Variants in GPR17 observed in about 807,000 individuals in gnomAD.
GPR17 encodes the protein uracil nucleotide/cysteinyl leukotriene receptor.
In GPR17, 4 loss-of-function variants were observed where a neutral mutation model predicts 1.5. That is an observed-to-expected ratio of 2.73 (90% CI 1.35 to 6.25). The LOEUF (loss-of-function observed/expected upper bound fraction) is 6.25. GPR17 is among the 30% of genes most tolerant of loss of function. GPR17 has a pLI of 0.00. For synonymous variants in GPR17, 209 were observed against 207.6 expected (o/e 1.01, Z -0.06); for missense variants, 463 against 462.1 (o/e 1.00, Z -0.02).
intron 1 of GPR17, chr2:127,649,886 G>A: frequency 1.3e-6 from 1 of 775,042 alleles, no homozygotes; most frequent in Non-Finnish European, 2.1e-6. Flanking sequence ...GGTAAAATGG[G>A]TCTTCCCCTC....
chr2:127,649,951 C>G, intron 1 of GPR17: 1 of 1,412,820 alleles, frequency 7.1e-7, no homozygotes, highest in East Asian at 2.4e-5. Context: ...GAAAATACTC[C>G]CAGCTGGCCT....
At position 127,652,467 on chromosome 2, in the gene GPR17, T is replaced by C. The variant is rs1573803432; in HGVS notation, c.*712T>C. 1.8e-5 allele frequency: 3 copies of C among 167,290 alleles called. No individual in the cohort carries two copies. In the East Asian group the frequency reaches 5.8e-4, roughly 32 times the overall value. 10.4% of individuals were successfully genotyped at this position (167,290 alleles called of 1,614,324 possible). On this transcript the variant is annotated 3_prime_UTR_variant, in exon 2 of 2. Transcript: ENST00000486700. ...GCATGTGCAGTCACGGGAGCTCAGC[T>C]CAGGCCAGGGCTGGGCTGTGCACCT...
At chr2:127,650,356 G>A (rs544252189) in intron 1 of GPR17, 4 of 542,782 alleles carry the variant, frequency 7.4e-6, no homozygotes, top group Admixed American at 3.4e-5. Flanking sequence ...CACCTCAGAG[G>A]CAGAACAGAA....
At chr2:127,650,206 A>T in intron 1 of GPR17, 1 of 777,168 alleles carries the variant, frequency 1.3e-6, no homozygotes, top group Non-Finnish European at 2.1e-6. Flanking sequence ...CGGCCACTGC[A>T]CCTGTGGGCA....
chr2:127,651,044 A>G lies in GPR17; in HGVS notation c.309A>G (p.Ala103=). The G allele has an allele frequency of 1.2e-6, 2 of 1,613,730 alleles. No individual in the cohort carries two copies. Among genetic ancestry groups the G allele is most frequent in the South Asian group, 2.2e-5 (2 of 91,088 alleles). The change falls in exon 2 of 2, where the codon GCA becomes GCG. Residue 103 remains alanine, a synonymous_variant. Transcript: ENST00000486700. ...SGNHWPFGEI[A]CRLTGFLFYL... is the part of the protein sequence containing the mutation. The stretch of plus-strand genomic sequence containing the variant: ...ACCACTGGCCATTTGGGGAAATCGC[A>G]TGCCGTCTCACCGGCTTCCTCTTCT...
intron 1 of GPR17, among the ~76,000 whole-genome samples, chr2:127,646,970 A>G (rs933017039): frequency 4.6e-5 from 7 of 152,218 alleles, no homozygotes; most frequent in African/African-American, 1.7e-4. Flanking sequence ...AAAGCTGTTT[A>G]AAATGGAGTC....
At chr2:127,649,276 A>C (rs1271029555) in intron 1 of GPR17, among the ~76,000 whole-genome samples, 2 of 152,104 alleles carry the variant, frequency 1.3e-5, no homozygotes, top group Non-Finnish European at 2.9e-5. Flanking sequence ...GTGCAGAGCC[A>C]GGCTCGCCCA....
At position 127,647,576 on chromosome 2, in the gene GPR17, C is replaced by A. The variant is rs1307132427; in HGVS notation, c.-21+1332C>A. On this transcript the variant is annotated intron_variant, in intron 1 of 1. Coordinates refer to ENST00000486700, the MANE Select transcript of GPR17 (RefSeq NM_001161417.2). The surrounding 1 kb of genome is among the most constrained non-coding windows in gnomAD (Gnocchi z 4.3). ...TGGGGCACAGCACAGGCCTGAGGGA[C>A]AGCCTGGGGTGGAGGGCACCCACCT... Among the ~76,000 whole-genome samples the A allele has an allele frequency of 6.6e-6, 1 of 152,138 alleles. No individual in the cohort carries two copies. The highest frequency in any genetic ancestry group is 1.5e-5 in the Non-Finnish European group (1 of 67,998).
chr2:127,650,831 G>A lies in GPR17; in HGVS notation c.96G>A (p.Met32Ile), dbSNP rs1361961341. 8 of 1,613,872 alleles carry A rather than the reference G, an allele frequency of 5.0e-6. No homozygotes were observed. Among genetic ancestry groups the A allele is most frequent in the African/African-American group, 1.3e-5 (1 of 74,940 alleles). The change falls in exon 2 of 2, where the codon ATG (methionine) becomes ATA (isoleucine). Residue 32 changes from methionine (M) to isoleucine (I), a missense_variant. Coordinates refer to ENST00000486700, the MANE Select transcript of GPR17 (RefSeq NM_001161417.2). ...GCCAGGAGACGCCACTGGAGAACATGCTGTTCGCCTCCTTCTACCTTCTGG... is the reference window on the plus strand; with the variant it reads ...GCCAGGAGACGCCACTGGAGAACATACTGTTCGCCTCCTTCTACCTTCTGG... ...QCGQETPLENMLFASFYLLDF... is the reference protein window; with the variant it reads ...QCGQETPLENILFASFYLLDF...
At chr2:127,646,554 G>C (rs1683005190) in intron 1 of GPR17, 1 of 152,278 alleles carries the variant, frequency 6.6e-6, no homozygotes, top group South Asian at 2.1e-4. Context: ...GCCTGGGAGA[G>C]GGCTCGGGCC....
intron 1 of GPR17, chr2:127,648,064 G>A (rs1199801286): frequency 4.1e-6 from 4 of 985,596 alleles, no homozygotes; most frequent in South Asian, 9.4e-5. Flanking sequence ...TCAGCTCTCC[G>A]CCCTCACCGT....
intron 1 of GPR17, among the ~76,000 whole-genome samples, chr2:127,646,915 G>C (rs1326018475): frequency 1.3e-5 from 2 of 152,242 alleles, no homozygotes; most frequent in Non-Finnish European, 2.9e-5. Flanking sequence ...CTCAAACGGG[G>C]GACAGAAAGG....
rs962195323 is a variant in GPR17 at position 127,647,875 on chromosome 2, C to G, written c.-21+1631C>G. The stretch of plus-strand genomic sequence containing the variant: ...GTCATGGGCCCCCCTCCCCTGCCAC[C>G]GTCCCACCGGTACCTGCTCCCTGTT... On this transcript the variant is annotated intron_variant, in intron 1 of 1. Transcript: ENST00000486700. This position sits in a 1 kb window ranked among gnomAD's most constrained non-coding sequence, Gnocchi z 4.3. 6.6e-6 allele frequency among the ~76,000 whole-genome samples: 1 copy of G among 152,060 alleles called. No individual in the cohort carries two copies. Among genetic ancestry groups the G allele is most frequent in the African/African-American group, 2.4e-5 (1 of 41,394 alleles).
intron 1 of GPR17, among the ~76,000 whole-genome samples, chr2:127,648,963 AGGGGGGG>A (rs1683307614): frequency 4.8e-4 from 6 of 12,518 alleles, no homozygotes; most frequent in Admixed American, 1.0e-3. Flanking sequence ...AGGGGAGGGG[AGGGGGGG>A]AGGGGAGGGA....
At position 127,651,106 on chromosome 2, in the gene GPR17, G is replaced by GC; in HGVS notation, c.372dup (p.Ile125HisfsTer178). On this transcript the variant is annotated frameshift_variant, in exon 2 of 2. Transcript: ENST00000486700. LOFTEE classifies it low-confidence loss of function (END_TRUNC). ...TACGCCAGCATCTACTTCCTCACCT[G>GC]CATCAGCGCCGACCGTTTCCTGGCC... The GC allele has an allele frequency of 6.2e-7, 1 of 1,613,528 alleles. No homozygotes were observed. The highest frequency in any genetic ancestry group is 8.5e-7 in the Non-Finnish European group (1 of 1,180,026).
intron 1 of GPR17, chr2:127,648,017 C>T: frequency 1.0e-6 from 1 of 985,804 alleles, no homozygotes. Flanking sequence ...GCCTGTCTCC[C>T]TCTCCCAAGC....
intron 1 of GPR17, among the ~76,000 whole-genome samples, chr2:127,648,976 A>G (rs1405137814): frequency 8.1e-4 from 10 of 12,354 alleles, no homozygotes; most frequent in African/African-American, 1.4e-3. Context: ...GGGGGAGGGG[A>G]GGGAGGGGAG....
chr2:127,651,829 C>T lies in GPR17; in HGVS notation c.*74C>T. 1 of 1,382,296 alleles carries T rather than the reference C, an allele frequency of 7.2e-7. No individual in the cohort carries two copies. Among genetic ancestry groups the T allele is most frequent in the Non-Finnish European group, 1.0e-6 (1 of 1,001,758 alleles). The allele number at this position is 1,382,296 out of a possible 1,614,324, so 85.6% of individuals were successfully genotyped here. The stretch of plus-strand genomic sequence containing the variant: ...ACCCAGCAAGAGGCATCTGCCCTTT[C>T]CCCAGCCACCTCCCCAGCAAGCAAC... On this transcript the variant is annotated 3_prime_UTR_variant, in exon 2 of 2. Coordinates refer to ENST00000486700, the MANE Select transcript of GPR17 (RefSeq NM_001161417.2).
Position 127,646,229 on chromosome 2 carries a change from G to A in GPR17, c.-36G>A, listed in dbSNP as rs184836640. 6 of 152,274 alleles carry A rather than the reference G, an allele frequency of 3.9e-5. No homozygotes were observed. The highest frequency in any genetic ancestry group is 5.9e-5 in the Non-Finnish European group (4 of 68,096). 9.4% of individuals were successfully genotyped at this position (152,274 alleles called of 1,614,324 possible). A position where few individuals can be genotyped will look rare whatever the true frequency, so the allele number is the denominator to read the frequency against. ...CCGCAGACCCCTGTCCCTTCCTCCC[G>A]GACCAGCAGCTAGAGGTAAGGGGCA... is the stretch of plus-strand genomic sequence containing the variant. On this transcript the variant is annotated 5_prime_UTR_variant, in exon 1 of 2. Coordinates refer to ENST00000486700, the MANE Select transcript of GPR17 (RefSeq NM_001161417.2).
Sources: allele counts gnomAD v4.1 joint callset (sites outside exome capture counted in the v4.1 genomes callset), GRCh38; gene constraint gnomAD v4.1.1; non-coding constraint Gnocchi (gnomAD v3.1); transcripts MANE v1.5; gene names NCBI Gene and HGNC (gene_info 2026-07-23, HGNC 2026-07-21).